CLMP: variants seen among roughly 807,000 people sequenced by gnomAD.
CLMP encodes the protein CXADR like cell adhesion molecule, also known as CXADR-like membrane protein.
Under a neutral mutation model 45.2 loss-of-function variants are expected in CLMP, and 27 were observed. The observed-to-expected ratio is 0.60, with a 90% CI of 0.44 to 0.82. The LOEUF (loss-of-function observed/expected upper bound fraction) is 0.82. Ranked by LOEUF, CLMP falls within the 40% of genes least tolerant of loss-of-function variation. The pLI is 0.00. For synonymous variants in CLMP, 167 were observed against 171.4 expected (o/e 0.97, Z 0.20); for missense variants, 403 against 448.4 (o/e 0.90, Z 0.91).
chr11:123,125,963 C>T (rs114556925), intron 1 of CLMP, among the ~76,000 whole-genome samples: 69 of 152,234 alleles, frequency 4.5e-4, no homozygotes, highest in African/African-American at 1.4e-3. Flanking sequence ...GAAGCACCCA[C>T]TGGACAATGT....
At chr11:123,184,362 A>G (rs1175491052) in intron 1 of CLMP, among the ~76,000 whole-genome samples, 1 of 152,184 alleles carries the variant, frequency 6.6e-6, no homozygotes, top group Non-Finnish European at 1.5e-5. Context: ...TCCCAAATGC[A>G]GGAATTACAA....
rs1407521050 is a variant in CLMP at position 123,194,856 on chromosome 11, C to T, written c.28+57G>A. The T allele has an allele frequency of 2.5e-6, 4 of 1,607,448 alleles. No individual in the cohort carries two copies. The South Asian group carries it at 3.3e-5, about 13-fold the overall frequency. ...GGTCAGAACCGGCGTCTTTCCCGGA[C>T]GCAGGGCTGCGTTTGCCCACGGCCA... On this transcript the variant is annotated intron_variant, in intron 1 of 6. Coordinates refer to ENST00000448775, the MANE Select transcript of CLMP (RefSeq NM_024769.5).
At chr11:123,149,772 T>C (rs11219025) in intron 1 of CLMP, among the ~76,000 whole-genome samples, 12,476 of 143,384 alleles carry the variant, frequency 0.087, 798 homozygotes, top group East Asian at 0.24. Flanking sequence ...AAAGGTTTTC[T>C]TTCTTTCTTT....
intron 1 of CLMP, among the ~76,000 whole-genome samples, chr11:123,125,667 G>A (rs1407897011): frequency 4.0e-5 from 6 of 149,964 alleles, no homozygotes; most frequent in African/African-American, 9.8e-5. Context: ...GCAGTGGCAC[G>A]ATCTCAGCTC....
chr11:123,121,644 T>C (rs1413836821), intron 1 of CLMP, among the ~76,000 whole-genome samples: 1 of 152,014 alleles, frequency 6.6e-6, no homozygotes, highest in Non-Finnish European at 1.5e-5. Flanking sequence ...AGGTGGGTAA[T>C]GGCTGCCAAT....
intron 1 of CLMP, among the ~76,000 whole-genome samples, chr11:123,119,001 C>CTTTCTTTCTTTCTT (rs1565387915): frequency 4.5e-5 from 1 of 22,432 alleles, no homozygotes; most frequent in African/African-American, 2.3e-4. Context: ...TTCTTTCTTT[C>CTTTCTTTCTTTCTT]TCTCTCTCTC....
rs906886062 is a variant in CLMP at position 123,082,084 on chromosome 11, C to CACGTGTGTGTGCATGAGCACATGCACAT, written c.679+973_679+1000dup. Among the ~76,000 whole-genome samples the CACGTGTGTGTGCATGAGCACATGCACAT allele has an allele frequency of 9.2e-5, 14 of 152,298 alleles. No homozygotes were observed. In the East Asian group the frequency reaches 2.3e-3, roughly 25 times the overall value. On this transcript the variant is annotated intron_variant, in intron 5 of 6. Coordinates refer to ENST00000448775, the MANE Select transcript of CLMP (RefSeq NM_024769.5). ...AATTCTTGATTATAACACATGTACACACGTGTGTGTGCATGAGCACATGCA... is the reference window on the plus strand; with the variant it reads ...AATTCTTGATTATAACACATGTACACACGTGTGTGTGCATGAGCACATGCACATACGTGTGTGTGCATGAGCACATGCA...
At chr11:123,129,002 C>A (rs919909925) in intron 1 of CLMP, among the ~76,000 whole-genome samples, 1 of 152,102 alleles carries the variant, frequency 6.6e-6, no homozygotes, top group African/African-American at 2.4e-5. Context: ...AACTGAAGAT[C>A]TGTCTGCTTT....
At chr11:123,162,779 G>A (rs1861503998) in intron 1 of CLMP, among the ~76,000 whole-genome samples, 1 of 151,858 alleles carries the variant, frequency 6.6e-6, no homozygotes, top group Non-Finnish European at 1.5e-5. Context: ...GCAAGTGCCT[G>A]TAGTCCCAGC....
chr11:123,127,196 G>A (rs1418974078), intron 1 of CLMP, among the ~76,000 whole-genome samples: 8 of 151,584 alleles, frequency 5.3e-5, no homozygotes, highest in Non-Finnish European at 8.8e-5. Context: ...ATCTCAGCTC[G>A]CTGCAACCTG....
At chr11:123,170,785 G>C (rs971835506) in intron 1 of CLMP, among the ~76,000 whole-genome samples, 1 of 152,108 alleles carries the variant, frequency 6.6e-6, no homozygotes, top group African/African-American at 2.4e-5. Flanking sequence ...AGATCAGCTC[G>C]TTGTCATCCT....
chr11:123,175,309 G>T (rs1426126152), intron 1 of CLMP, among the ~76,000 whole-genome samples: 2 of 152,164 alleles, frequency 1.3e-5, no homozygotes, highest in African/African-American at 4.8e-5. Flanking sequence ...CAGCAAGAGA[G>T]AGAAGAGCAA....
rs373845618 is a variant in CLMP, at chr11:123,093,220, T to G, written c.186+4575A>C. ...CACGCCCGGCCATCACACACCTACT[T>G]TTAAGAGACAGGTCTCACTGTGTTG... On this transcript the variant is annotated intron_variant, in intron 2 of 6. Transcript: ENST00000448775. Among the ~76,000 whole-genome samples the G allele has an allele frequency of 3.4e-4, 52 of 152,204 alleles. 1 individual carries two copies. The East Asian group carries it at 9.7e-3, about 28-fold the overall frequency.
intron 1 of CLMP, among the ~76,000 whole-genome samples, chr11:123,163,029 A>G (rs575852406): frequency 1.3e-5 from 2 of 152,254 alleles, no homozygotes; most frequent in East Asian, 3.9e-4. Context: ...GGGTACCTGT[A>G]CCTTGAAGAA....
chr11:123,163,073 T>C (rs1356076586), intron 1 of CLMP, among the ~76,000 whole-genome samples: 3 of 150,334 alleles, frequency 2.0e-5, no homozygotes, highest in Non-Finnish European at 4.4e-5. Context: ...GAAGGGGAGA[T>C]TAGGGCTACA....
At chr11:123,129,765 A>C (rs1419823381) in intron 1 of CLMP, among the ~76,000 whole-genome samples, 2 of 149,738 alleles carry the variant, frequency 1.3e-5, no homozygotes, top group African/African-American at 4.9e-5. Context: ...TTTATCTTAT[A>C]CATCAGGCAG....
chr11:123,119,271 G>A (rs757458852), intron 1 of CLMP, among the ~76,000 whole-genome samples: 2 of 151,440 alleles, frequency 1.3e-5, no homozygotes, highest in Non-Finnish European at 1.5e-5. Flanking sequence ...TTAGTAGAGA[G>A]GGGGTTTCTC....
chr11:123,117,600 T>C (rs1860736326), intron 1 of CLMP, among the ~76,000 whole-genome samples: 1 of 151,994 alleles, frequency 6.6e-6, no homozygotes, highest in Non-Finnish European at 1.5e-5. Flanking sequence ...CTAATTTTTG[T>C]ATTTTTAGTA....
At chr11:123,078,609 G>T (rs1865765883) in intron 5 of CLMP, among the ~76,000 whole-genome samples, 1 of 150,744 alleles carries the variant, frequency 6.6e-6, no homozygotes, top group Non-Finnish European at 1.5e-5. Context: ...ACCATGCCCA[G>T]CTAAGTTTTG....
Sources: gnomAD v4.1 joint callset for allele counts (sites outside exome capture counted in the v4.1 genomes callset) on GRCh38, gnomAD v4.1.1 for gene constraint, MANE v1.5 for transcripts, NCBI Gene and HGNC (gene_info 2026-07-23, HGNC 2026-07-21) for gene names.